The following MALRD1 variants were observed in gnomAD, a reference collection of about 807,000 sequenced individuals.
MALRD1 encodes MAM and LDL-receptor class A domain-containing protein 1.
Under a neutral mutation model 242.1 loss-of-function variants are expected in MALRD1, and 247 were observed. That is an observed-to-expected ratio of 1.02 (90% confidence interval 0.92 to 1.13). The LOEUF (loss-of-function observed/expected upper bound fraction) is 1.13, where lower values mean the gene tolerates loss of function less well. Among genes scored for constraint, MALRD1 ranks in the 50% most tolerant of loss-of-function variants. MALRD1 has a pLI of 0.00. For missense variants in MALRD1, 2,989 were observed against 2,533.1 expected (o/e 1.18, Z -3.86); for synonymous variants, 995 against 866.6 (o/e 1.15, Z -2.60).
chr10:19,515,760 G>A (rs1232485131), intron 31 of MALRD1, among the ~76,000 whole-genome samples: 5 of 151,882 alleles, frequency 3.3e-5, no homozygotes, highest in African/African-American at 1.2e-4. Context: ...AGTAGAGATG[G>A]GGTTTCACCA....
Position 19,146,307 on chromosome 10 carries a change from C to A in MALRD1, c.1521C>A (p.His507Gln). The change falls in exon 11 of 40, where the codon CAC becomes CAA. Residue 507 changes from histidine to glutamine, a missense_variant. Transcript: ENST00000454679. The stretch of plus-strand genomic sequence containing the variant: ...AAGGATTGAATAATGGAGAGCACCA[C>A]TTTCCTGCAGCTGATCACACAGCAA... The part of the protein sequence containing the change: ...LMKGLNNGEH[H>Q]FPAADHTANI... 2 of 1,231,620 alleles carry A rather than the reference C, an allele frequency of 1.6e-6. No homozygotes were observed. Among genetic ancestry groups the A allele is most frequent in the Non-Finnish European group, 2.0e-6 (2 of 987,896 alleles). The allele number at this position is 1,231,620 out of a possible 1,614,324, so 76.3% of individuals were successfully genotyped here.
At chr10:19,621,457 G>T (rs368810958) in intron 36 of MALRD1, among the ~76,000 whole-genome samples, 1 of 149,814 alleles carries the variant, frequency 6.7e-6, no homozygotes, top group Admixed American at 6.7e-5. Context: ...AAAAAGTAAA[G>T]ATTAAATTAT....
At chr10:19,330,745 G>A (rs1045796414) in intron 23 of MALRD1, among the ~76,000 whole-genome samples, 3 of 151,972 alleles carry the variant, frequency 2.0e-5, no homozygotes, top group African/African-American at 7.2e-5. Context: ...TTCTACTGAA[G>A]TCCACACACG....
At chr10:19,433,457 C>A (rs1380438723) in intron 28 of MALRD1, among the ~76,000 whole-genome samples, 1 of 152,142 alleles carries the variant, frequency 6.6e-6, no homozygotes, top group Non-Finnish European at 1.5e-5. Context: ...CAGAGGGCCT[C>A]TGAGCCCTTC....
chr10:19,519,530 C>T (rs1194107589), intron 31 of MALRD1, among the ~76,000 whole-genome samples: 5 of 152,078 alleles, frequency 3.3e-5, no homozygotes, highest in Non-Finnish European at 1.5e-5. Context: ...GGCAGGCCGT[C>T]GCAGGAGGCA....
At chr10:19,471,974 T>G (rs1158330518) in intron 29 of MALRD1, among the ~76,000 whole-genome samples, 2 of 151,976 alleles carry the variant, frequency 1.3e-5, no homozygotes, top group African/African-American at 4.8e-5. Flanking sequence ...ATAAAAGTGG[T>G]AAGAGTGGGC....
intron 33 of MALRD1, among the ~76,000 whole-genome samples, chr10:19,591,981 G>A (rs888417403): frequency 1.3e-5 from 2 of 152,150 alleles, no homozygotes; most frequent in Admixed American, 6.5e-5. Context: ...AAAGAAATAC[G>A]GAGTGAATGA....
chr10:19,284,644 T>G (rs923629687), intron 21 of MALRD1, among the ~76,000 whole-genome samples: 1 of 145,638 alleles, frequency 6.9e-6, no homozygotes, highest in African/African-American at 2.6e-5. Context: ...CTTAATCCAG[T>G]CTATCATTGT....
At chr10:19,458,621 T>G (rs927846592) in intron 29 of MALRD1, among the ~76,000 whole-genome samples, 1 of 152,292 alleles carries the variant, frequency 6.6e-6, no homozygotes, top group South Asian at 2.1e-4. Context: ...CATGTTTCCC[T>G]TTTAGTTAAA....
At chr10:19,470,291 G>T (rs1182330145) in intron 29 of MALRD1, among the ~76,000 whole-genome samples, 2 of 151,840 alleles carry the variant, frequency 1.3e-5, no homozygotes, top group Admixed American at 6.6e-5. Context: ...ATTTTTCAAG[G>T]TTGAATAATA....
intron 28 of MALRD1, among the ~76,000 whole-genome samples, chr10:19,438,706 A>T (rs1834463833): frequency 6.6e-6 from 1 of 152,156 alleles, no homozygotes; most frequent in South Asian, 2.1e-4. Flanking sequence ...TGTGAAATAG[A>T]CTTGGTGTGA....
chr10:19,189,598 G>T (rs527261829), intron 14 of MALRD1, among the ~76,000 whole-genome samples: 7 of 152,090 alleles, frequency 4.6e-5, no homozygotes, highest in African/African-American at 9.6e-5. Context: ...ATATTAAAAA[G>T]ATTATACAAC....
At chr10:19,069,225 A>C (rs929123200) in intron 2 of MALRD1, among the ~76,000 whole-genome samples, 1 of 152,048 alleles carries the variant, frequency 6.6e-6, no homozygotes, top group Non-Finnish European at 1.5e-5. Flanking sequence ...TTGGGCATTT[A>C]AAATCAGTTT....
chr10:19,333,799 G>A (rs191572831), intron 24 of MALRD1, among the ~76,000 whole-genome samples: 56 of 151,850 alleles, frequency 3.7e-4, no homozygotes, highest in African/African-American at 1.3e-3. Context: ...CGGTAACCTC[G>A]CCAACATCTG....
At chr10:19,592,290 G>T (rs1382883356) in intron 33 of MALRD1, among the ~76,000 whole-genome samples, 1 of 152,254 alleles carries the variant, frequency 6.6e-6, no homozygotes, top group East Asian at 1.9e-4. Flanking sequence ...TAGCTGTGAT[G>T]CAGGTGCAAT....
chr10:19,244,070 C>G (rs1347235280), intron 18 of MALRD1, among the ~76,000 whole-genome samples: 1 of 152,098 alleles, frequency 6.6e-6, no homozygotes, highest in African/African-American at 2.4e-5. Flanking sequence ...ACTTTTCATA[C>G]TCTTATCTAA....
chr10:19,137,623 A>G (rs1833394135), intron 10 of MALRD1, among the ~76,000 whole-genome samples: 1 of 151,486 alleles, frequency 6.6e-6, no homozygotes, highest in Non-Finnish European at 1.5e-5. Flanking sequence ...AAAAAAAAAA[A>G]AAAAAAAAGA....
intron 18 of MALRD1, among the ~76,000 whole-genome samples, chr10:19,238,908 A>T (rs184360416): frequency 2.0e-5 from 3 of 151,878 alleles, no homozygotes; most frequent in African/African-American, 4.8e-5. Context: ...CTTTTTGGTA[A>T]TAGCCATTCT....
intron 19 of MALRD1, among the ~76,000 whole-genome samples, chr10:19,270,004 A>G (rs944899264): frequency 3.9e-5 from 6 of 152,218 alleles, no homozygotes; most frequent in African/African-American, 1.4e-4. Context: ...TGAAATCAGA[A>G]CTAAAGATGC....
Sources: gnomAD v4.1 joint callset for allele counts (sites outside exome capture counted in the v4.1 genomes callset) on GRCh38, gnomAD v4.1.1 for gene constraint, MANE v1.5 for transcripts, NCBI Gene and HGNC (gene_info 2026-07-23, HGNC 2026-07-21) for gene names.